The following TMEM33 variants were observed in gnomAD, a reference collection of about 807,000 sequenced individuals.
TMEM33 encodes transmembrane protein 33.
TMEM33 carries 16 observed loss-of-function variants against 29.7 expected under a neutral mutation model. The ratio of observed to expected loss-of-function variants is 0.54; its 90% CI spans 0.36 to 0.82. The LOEUF is 0.82. TMEM33 is among the 40% of genes least tolerant of loss of function. TMEM33 has a pLI of 0.00. For synonymous variants in TMEM33, 112 were observed against 109.4 expected, an observed-to-expected ratio of 1.02 and a Z score of -0.15; for missense variants, 252 against 295.3, an observed-to-expected ratio of 0.85 and a Z score of 1.08.
rs1409330922 is a variant in TMEM33 at position 41,954,955 on chromosome 4, CCTT to C, written c.*760_*762del. 1.3e-5 allele frequency: 2 copies of C among 152,566 alleles called. No individual in the cohort carries two copies. The highest frequency in any genetic ancestry group is 3.8e-4 in the East Asian group (2 of 5,196). The allele number at this position is 152,566 out of a possible 1,614,324, so 9.5% of individuals were successfully genotyped here. On this transcript the variant is annotated 3_prime_UTR_variant, in exon 7 of 7. Coordinates refer to ENST00000504986, the MANE Select transcript of TMEM33 (RefSeq NM_018126.3). ...GAGAAACATTTCTCAAACAGGAAAT[CCTT>C]CTTTTACTAATGTGGACATATAGAT...
At chr4:41,939,469 C>A in intron 3 of TMEM33, 86 bp downstream of exon 3, 1 of 1,413,096 alleles carries the variant, frequency 7.1e-7, no homozygotes, top group South Asian at 1.3e-5. Flanking sequence ...TGAAGGCATT[C>A]CATGAAGCCT....
At position 41,956,445 on chromosome 4, in the gene TMEM33, T is replaced by G. The variant is rs1466738573; in HGVS notation, c.*2246T>G. On this transcript the variant is annotated 3_prime_UTR_variant, in exon 7 of 7. Transcript: ENST00000504986. The stretch of plus-strand genomic sequence containing the variant: ...AAAACTTATTTGAATTTCAACAGTT[T>G]TTTTTTCATTTCTTATTTTCCTTTT... 1.3e-5 allele frequency: 2 copies of G among 152,228 alleles called. No homozygotes were observed. The highest frequency in any genetic ancestry group is 2.9e-5 in the Non-Finnish European group (2 of 68,038). 9.4% of individuals were successfully genotyped at this position (152,228 alleles called of 1,614,324 possible). A position where few individuals can be genotyped will look rare whatever the true frequency, so the allele number is the denominator to read the frequency against.
chr4:41,935,495 C>T lies in TMEM33; in HGVS notation c.11C>T (p.Thr4Met). 1 of 1,609,632 alleles carries T rather than the reference C, an allele frequency of 6.2e-7. No individual in the cohort carries two copies. Among genetic ancestry groups the T allele is most frequent in the Non-Finnish European group, 8.5e-7 (1 of 1,178,080 alleles). Residue 4 changes from threonine to methionine, a missense_variant, in exon 1 of 7, where the codon ACG (threonine) becomes ATG (methionine). Physicochemically the swap from Thr to Met is moderately conservative, Grantham distance 81. Transcript: ENST00000504986. The stretch of plus-strand genomic sequence containing the variant: ...CTAGTGTGAGCCCCCATGGCAGATA[C>T]GACCCCGAACGGCCCCCAAGGGGCG... MAD[T>M]TPNGPQGAGA...
chr4:41,942,070 A>G (rs1712565227), intron 3 of TMEM33, among the ~76,000 whole-genome samples: 1 of 152,138 alleles, frequency 6.6e-6, no homozygotes, highest in South Asian at 2.1e-4. Context: ...CAGGAGTGGA[A>G]CTCAGGTATC....
rs1713167648 is a variant in TMEM33, at chr4:41,954,265, G to C, written c.*66G>C. On this transcript the variant is annotated 3_prime_UTR_variant, in exon 7 of 7. Transcript: ENST00000504986. ...TTAGCAGCTGGTACTTCTGCTAGGG[G>C]TTGTAAATTCCAGGTGTTACACTGA... The C allele has an allele frequency of 6.4e-7, 1 of 1,553,288 alleles. No homozygotes were observed. The highest frequency in any genetic ancestry group is 1.2e-5 in the South Asian group (1 of 85,656).
chr4:41,952,387 C>T (rs906347110), intron 6 of TMEM33, among the ~76,000 whole-genome samples: 3 of 152,168 alleles, frequency 2.0e-5, no homozygotes, highest in Non-Finnish European at 2.9e-5. Context: ...ATAGTAGTTG[C>T]ATCTTTATAC....
intron 3 of TMEM33, among the ~76,000 whole-genome samples, chr4:41,940,541 G>A (rs929310115): frequency 5.9e-5 from 9 of 152,024 alleles, no homozygotes; most frequent in Non-Finnish European, 1.0e-4. Context: ...TAGGCCAGGC[G>A]CGGTGGCTCA....
Position 41,954,072 on chromosome 4 carries a change from C to G in TMEM33, c.617C>G (p.Thr206Ser), listed in dbSNP as rs765559992. Residue 206 changes from threonine (T) to serine (S), a missense_variant and splice_region_variant, in exon 7 of 7, where the codon ACC becomes AGC. Physicochemically the swap from Thr to Ser is moderately conservative, Grantham distance 58. Transcript: ENST00000504986. ...AAGAAAACTATTTTGTCTTGCAGGA[C>G]CTTATTTAATGAACTGAGGATTGTT... ...YSSRRNPYCR[T>S]LFNELRIVVE... 7.4e-6 allele frequency: 12 copies of G among 1,613,260 alleles called. No individual in the cohort carries two copies. The East Asian group carries it at 2.7e-4, about 36-fold the overall frequency.
At chr4:41,938,579 A>C in intron 1 of TMEM33, 23 bp from the exon 2 acceptor site, 1 of 1,602,880 alleles carries the variant, frequency 6.2e-7, no homozygotes, top group East Asian at 2.2e-5. Context: ...CATAGCTTAC[A>C]GTATTTTTCT....
chr4:41,945,487 A>G (rs1712743797), intron 5 of TMEM33, among the ~76,000 whole-genome samples: 8 of 152,214 alleles, frequency 5.3e-5, no homozygotes, highest in Admixed American at 3.9e-4. Context: ...GACATTACAG[A>G]TAAAAGCTAA....
rs946179680 is a variant in TMEM33 at position 41,960,437 on chromosome 4, A to G, written c.*6238A>G. 6.6e-6 allele frequency: 1 copy of G among 152,174 alleles called. No individual in the cohort carries two copies. Among genetic ancestry groups the G allele is most frequent in the Admixed American group, 6.5e-5 (1 of 15,282 alleles). The allele number at this position is 152,174 out of a possible 1,614,324, so 9.4% of individuals were successfully genotyped here. A position where few individuals can be genotyped will look rare whatever the true frequency, so the allele number is the denominator to read the frequency against. ...TTATTGTGACCCTTTTTCACTGTAT[A>G]TGCTTTGTATGTCTAATATTTATTT... On this transcript the variant is annotated 3_prime_UTR_variant, in exon 7 of 7. Coordinates refer to ENST00000504986, the MANE Select transcript of TMEM33 (RefSeq NM_018126.3).
rs1712395924 is a variant in TMEM33 at position 41,939,199 on chromosome 4, G to A, written c.144G>A (p.Leu48=). 1 of 1,593,434 alleles carries A rather than the reference G, an allele frequency of 6.3e-7. No individual in the cohort carries two copies. Among genetic ancestry groups the A allele is most frequent in the African/African-American group, 1.4e-5 (1 of 73,612 alleles). ...SALFVLPLLG[L]HEAASFYQRA... ...CCTCTCCTCTGGTAATTTGCAGGTTGCATGAAGCAGCAAGCTTTTACCAAC... is the reference window on the plus strand; with the variant it reads ...CCTCTCCTCTGGTAATTTGCAGGTTACATGAAGCAGCAAGCTTTTACCAAC... Residue 48 remains leucine, a synonymous_variant, in exon 3 of 7, where the codon TTG becomes TTA. Coordinates refer to ENST00000504986, the MANE Select transcript of TMEM33 (RefSeq NM_018126.3).
At chr4:41,935,353 G>A, upstream of TMEM33, 1 of 965,788 alleles carries the variant, frequency 1.0e-6, no homozygotes, top group Non-Finnish European at 1.6e-6. Context: ...AGTTCCGGCA[G>A]GGTGCATCCG....
At chr4:41,936,870 CA>C (rs1162469767) in intron 1 of TMEM33, among the ~76,000 whole-genome samples, 3 of 152,248 alleles carry the variant, frequency 2.0e-5, no homozygotes, top group Admixed American at 1.3e-4. Context: ...TATCAGGAAG[CA>C]TTTTACATTG....
Position 41,955,828 on chromosome 4 carries a change from T to C in TMEM33, c.*1629T>C, listed in dbSNP as rs1713238562. ...AAGTAAACATAATGTTGATTTCTAA[T>C]TATGTTTTAAAAAATGAAGTCTTGA... On this transcript the variant is annotated 3_prime_UTR_variant, in exon 7 of 7. Coordinates refer to ENST00000504986, the MANE Select transcript of TMEM33 (RefSeq NM_018126.3). 6.6e-6 allele frequency: 1 copy of C among 152,656 alleles called. No homozygotes were observed. Among genetic ancestry groups the C allele is most frequent in the African/African-American group, 2.4e-5 (1 of 41,462 alleles). 9.5% of individuals were successfully genotyped at this position (152,656 alleles called of 1,614,324 possible).
chr4:41,953,728 T>G (rs1424633737), intron 6 of TMEM33: 11 of 458,442 alleles, frequency 2.4e-5, no homozygotes, highest in Non-Finnish European at 4.8e-5. Flanking sequence ...AGGAATGGCC[T>G]TCATGAACTG....
intron 3 of TMEM33, among the ~76,000 whole-genome samples, chr4:41,940,807 C>CAA (rs11390153): frequency 0.036 from 1,879 of 51,610 alleles, 103 homozygotes; most frequent in African/African-American, 0.11. Flanking sequence ...GACTCCTTCT[C>CAA]AAAAAAAAAA....
chr4:41,949,064 G>A (rs538333474), intron 5 of TMEM33, among the ~76,000 whole-genome samples: 13 of 152,054 alleles, frequency 8.5e-5, no homozygotes, highest in Non-Finnish European at 1.9e-4. Context: ...AATTTCAAAA[G>A]TAATACAGAT....
At position 41,959,162 on chromosome 4, in the gene TMEM33, G is replaced by A. The variant is rs934195796; in HGVS notation, c.*4963G>A. On this transcript the variant is annotated 3_prime_UTR_variant, in exon 7 of 7. Coordinates refer to ENST00000504986, the MANE Select transcript of TMEM33 (RefSeq NM_018126.3). ...GAGTTATTTCCAGAGATTGTTTTAA[G>A]GAGCAGTCTTATATTCAGGGTAGAA... The A allele has an allele frequency of 2.0e-5, 3 of 152,188 alleles. No homozygotes were observed. The highest frequency in any genetic ancestry group is 1.3e-4 in the Admixed American group (2 of 15,284). The allele number at this position is 152,188 out of a possible 1,614,324, so 9.4% of individuals were successfully genotyped here.
Sources: gnomAD v4.1 joint callset for allele counts (sites outside exome capture counted in the v4.1 genomes callset) on GRCh38, gnomAD v4.1.1 for gene constraint, MANE v1.5 for transcripts, NCBI Gene and HGNC (gene_info 2026-07-23, HGNC 2026-07-21) for gene names.